Variants in CENPF observed in about 807,000 individuals in gnomAD.
CENPF encodes centromere protein F.
In CENPF, 214 loss-of-function variants were observed where a neutral mutation model predicts 307.3. The observed-to-expected ratio is 0.70, with a 90% CI of 0.62 to 0.78. CENPF has a LOEUF of 0.78. Ranked by LOEUF, CENPF falls within the 30% of genes least tolerant of loss-of-function variation. The pLI is 0.00. For missense variants in CENPF, 3,401 were observed against 3,483.9 expected (o/e 0.98, Z 0.60); for synonymous variants, 1,259 against 1,270.6 (o/e 0.99, Z 0.19).
chr1:214,637,689 T>C (rs891973920), intron 10 of CENPF, among the ~76,000 whole-genome samples, 177 bp from the exon 11 acceptor site: 5 of 152,156 alleles, frequency 3.3e-5, no homozygotes, highest in African/African-American at 9.6e-5. Flanking sequence ...TTGTCTTCTG[T>C]TCATAACATT....
chr1:214,658,918 A>G lies in CENPF; in HGVS notation c.9031A>G (p.Thr3011Ala). ...ILRRTTMATR[T>A]SPRLAAQKLA... ...GCGAAGAACAACCATGGCAACTCGGACCAGCCCCCGCCTGGCTGCACAGAA... is the reference window on the plus strand; with the variant it reads ...GCGAAGAACAACCATGGCAACTCGGGCCAGCCCCCGCCTGGCTGCACAGAA... The change falls in exon 19 of 20, where the codon ACC (threonine) becomes GCC (alanine). Residue 3011 changes from threonine (T) to alanine (A), a missense_variant. Transcript: ENST00000366955. 1.9e-6 allele frequency: 3 copies of G among 1,614,096 alleles called. No homozygotes were observed. The highest frequency in any genetic ancestry group is 1.3e-5 in the African/African-American group (1 of 75,030).
At chr1:214,620,998 CA>C in intron 6 of CENPF, 52 bp downstream of exon 6, 1 of 1,497,322 alleles carries the variant, frequency 6.7e-7, no homozygotes, top group Non-Finnish European at 9.0e-7. Context: ...GGTAATTTCA[CA>C]GGTGATTTCA....
At position 214,642,809 on chromosome 1, in the gene CENPF, G is replaced by A. The variant is rs745591609; in HGVS notation, c.4471G>A (p.Gly1491Arg). 6.2e-7 allele frequency: 1 copy of A among 1,613,852 alleles called. No individual in the cohort carries two copies. The highest frequency in any genetic ancestry group is 2.2e-5 in the East Asian group (1 of 44,874). ...VPDSSSLSSL[G>R]DSSFYRALLE... ...TGACAGCTCTAGTCTTAGCAGTTTGGGAGACTCCTCCTTTTACAGAGCTCT... is the reference window on the plus strand; with the variant it reads ...TGACAGCTCTAGTCTTAGCAGTTTGAGAGACTCCTCCTTTTACAGAGCTCT... Residue 1491 changes from glycine to arginine, a missense_variant, in exon 12 of 20, where the codon GGA (glycine) becomes AGA (arginine). By Grantham distance (125) the Gly-to-Arg change is moderately radical (BLOSUM62 -2). Coordinates refer to ENST00000366955, the MANE Select transcript of CENPF (RefSeq NM_016343.4).
chr1:214,652,465 A>T (rs1267392527), intron 15 of CENPF, among the ~76,000 whole-genome samples: 1 of 127,868 alleles, frequency 7.8e-6, no homozygotes. Context: ...TTTTTTTGAG[A>T]CTGAGCCTCA....
rs761127877 is a variant in CENPF, at chr1:214,653,061, A to G, written c.8322+72A>G. 21 of 1,352,760 alleles carry G rather than the reference A, an allele frequency of 1.6e-5. No individual in the cohort carries two copies. In the African/African-American group the frequency reaches 2.6e-4, roughly 17 times the overall value. The allele number at this position is 1,352,760 out of a possible 1,614,324, so 83.8% of individuals were successfully genotyped here. A position where few individuals can be genotyped will look rare whatever the true frequency, so the allele number is the denominator to read the frequency against. On this transcript the variant is annotated intron_variant, in intron 16 of 19. Transcript: ENST00000366955. Reference sequence around the variant, plus strand: ...GTGGTAGTGATTTTAATGGTATAGCATTAAACGTTTTCATTTTCATTTTAT... The same window carrying G: ...GTGGTAGTGATTTTAATGGTATAGCGTTAAACGTTTTCATTTTCATTTTAT...
At chr1:214,607,389 G>A (rs1432043977) in intron 1 of CENPF, among the ~76,000 whole-genome samples, 2 of 152,218 alleles carry the variant, frequency 1.3e-5, no homozygotes, top group African/African-American at 4.8e-5. Flanking sequence ...AGTGGCCCAG[G>A]CAGTAGAGAC....
intron 16 of CENPF, chr1:214,654,191 AG>A (rs1658567611): frequency 6.6e-6 from 1 of 152,222 alleles, no homozygotes; most frequent in African/African-American, 2.4e-5. Flanking sequence ...ATAATATCCC[AG>A]AGGGATCTGC....
Position 214,655,241 on chromosome 1 carries a change from A to T in CENPF, c.8323A>T (p.Met2775Leu). Reference sequence around the variant, plus strand: ...AAATGGAATTACTTTTATTTTGTAGATGGACAATCTAAAATATGTAAATCA... The same window carrying T: ...AAATGGAATTACTTTTATTTTGTAGTTGGACAATCTAAAATATGTAAATCA... Reference protein sequence around the residue: ...QILEELKKTKMDNLKYVNQLK... With the variant: ...QILEELKKTKLDNLKYVNQLK... The change falls in exon 17 of 20, where the codon ATG becomes TTG. Residue 2775 changes from methionine to leucine, a missense_variant and splice_region_variant. Transcript: ENST00000366955. 1 of 1,570,526 alleles carries T rather than the reference A, an allele frequency of 6.4e-7. No individual in the cohort carries two copies. Among genetic ancestry groups the T allele is most frequent in the Middle Eastern group, 1.7e-4 (1 of 5,872 alleles).
Position 214,645,510 on chromosome 1 carries a change from G to C in CENPF, c.5940G>C (p.Leu1980Phe), listed in dbSNP as rs752372802. Residue 1980 changes from leucine to phenylalanine, a missense_variant, in exon 13 of 20, where the codon TTG (leucine) becomes TTC (phenylalanine). By Grantham distance (22) the Leu-to-Phe change is conservative. Transcript: ENST00000366955. The stretch of plus-strand genomic sequence containing the variant: ...AAAAAACCACGGCACTGGATCAGTT[G>C]TCTGAAAAAATGAAGGAGAAAACAC... ...MSKKTTALDQ[L>F]SEKMKEKTQE... 23 of 1,614,088 alleles carry C rather than the reference G, an allele frequency of 1.4e-5. No individual in the cohort carries two copies. The South Asian group carries it at 2.5e-4, about 18-fold the overall frequency.
At chr1:214,635,287 T>G (rs755239059) in intron 10 of CENPF, among the ~76,000 whole-genome samples, 6 of 152,228 alleles carry the variant, frequency 3.9e-5, no homozygotes, top group Non-Finnish European at 7.3e-5. Context: ...ATGGATGGGA[T>G]CATGAAATGC....
Position 214,640,916 on chromosome 1 carries a change from A to G in CENPF, c.2578A>G (p.Lys860Glu), listed in dbSNP as rs542930330. The G allele has an allele frequency of 2.0e-5, 32 of 1,607,908 alleles. No individual in the cohort carries two copies. Among genetic ancestry groups the G allele is most frequent in the Non-Finnish European group, 2.5e-5 (30 of 1,178,608 alleles). ...QKQCEELVQI[K>E]GEIEENLMKA... ...GCAGTGTGAAGAGTTGGTGCAAATC[A>G]AAGGAGAAATAGAAGAAAATCTCAT... Residue 860 changes from lysine (K) to glutamate (E), a missense_variant, in exon 12 of 20, where the codon AAA (lysine) becomes GAA (glutamate). Physicochemically the swap from Lys to Glu is moderately conservative, Grantham distance 56. Coordinates refer to ENST00000366955, the MANE Select transcript of CENPF (RefSeq NM_016343.4).
At chr1:214,613,317 CT>C in intron 1 of CENPF, 9 of 253,752 alleles carry the variant, frequency 3.5e-5, no homozygotes, top group Non-Finnish European at 6.3e-5. Context: ...CACCTCCTAC[CT>C]TTTTCTGGCC....
rs61732022 is a variant in CENPF, at chr1:214,645,205, C to T, written c.5635C>T (p.Arg1879Cys). 24,256 of 1,613,886 alleles carry T rather than the reference C, an allele frequency of 0.015. 276 individuals are homozygous for T. Among genetic ancestry groups the T allele is most frequent in the South Asian group, 0.04 (3,652 of 91,058 alleles). ...DLEMHADKSS[R>C]EDIGDNVAKV... ...AGAAATGCATGCAGATAAATCATCACGTGAAGATATTGGAGATAATGTGGC... is the reference window on the plus strand; with the variant it reads ...AGAAATGCATGCAGATAAATCATCATGTGAAGATATTGGAGATAATGTGGC... The change falls in exon 13 of 20, where the codon CGT (arginine) becomes TGT (cysteine). Residue 1879 changes from arginine (R) to cysteine (C), a missense_variant. Arg to Cys is a radical substitution (Grantham distance 180, BLOSUM62 -3). Transcript: ENST00000366955.
Position 214,620,507 on chromosome 1 carries a change from T to C in CENPF, c.574-148T>C, listed in dbSNP as rs1056589814. On this transcript the variant is annotated intron_variant, in intron 5 of 19. Coordinates refer to ENST00000366955, the MANE Select transcript of CENPF (RefSeq NM_016343.4). ...ATTCCATCACTGGGTATTAGACTTATGGTTTACTTGACTTGATGAATGTTC... is the reference window on the plus strand; with the variant it reads ...ATTCCATCACTGGGTATTAGACTTACGGTTTACTTGACTTGATGAATGTTC... 26 of 798,204 alleles carry C rather than the reference T, an allele frequency of 3.3e-5. No individual in the cohort carries two copies. In the East Asian group the frequency reaches 3.5e-4, roughly 11 times the overall value. 49.4% of individuals were successfully genotyped at this position (798,204 alleles called of 1,614,324 possible).
Position 214,663,682 on chromosome 1 carries a change from G to A in CENPF, c.9233G>A (p.Arg3078Lys), listed in dbSNP as rs144164373. The change falls in exon 20 of 20, where the codon AGA becomes AAA. Residue 3078 changes from arginine to lysine, a missense_variant. Arg to Lys is a conservative substitution (Grantham distance 26). Coordinates refer to ENST00000366955, the MANE Select transcript of CENPF (RefSeq NM_016343.4). ...GTCCCAGTCAATAATCTTCCTGAGA[G>A]AAGTCCGACTGACAGCCCCAGAGAG... ...KSVPVNNLPE[R>K]SPTDSPREGL... 2.4e-5 allele frequency: 38 copies of A among 1,614,086 alleles called. No homozygotes were observed. In the African/African-American group the frequency reaches 4.4e-4, roughly 19 times the overall value.
intron 1 of CENPF, among the ~76,000 whole-genome samples, chr1:214,609,069 G>A (rs1391498530): frequency 1.3e-5 from 2 of 151,702 alleles, no homozygotes; most frequent in Admixed American, 6.6e-5. Context: ...ATGTCACGCC[G>A]TGGGAAGCCC....
chr1:214,630,230 T>C (rs1386419994), intron 8 of CENPF, among the ~76,000 whole-genome samples: 1 of 152,198 alleles, frequency 6.6e-6, no homozygotes, highest in Non-Finnish European at 1.5e-5. Context: ...TCTTCTCTCT[T>C]GCCCCTGATC....
intron 12 of CENPF, among the ~76,000 whole-genome samples, chr1:214,644,225 A>G (rs914680576): frequency 3.3e-5 from 5 of 152,266 alleles, no homozygotes; most frequent in Non-Finnish European, 7.3e-5. Flanking sequence ...TTTAATAATT[A>G]CAAAGAGATT....
Position 214,626,360 on chromosome 1 carries a change from C to G in CENPF, c.1069-2686C>G, listed in dbSNP as rs1016636387. Among the ~76,000 whole-genome samples, 3 of 152,022 alleles carry G rather than the reference C, an allele frequency of 2.0e-5. No homozygotes were observed. The South Asian group carries it at 6.2e-4, about 32-fold the overall frequency. On this transcript the variant is annotated intron_variant, in intron 7 of 19. Coordinates refer to ENST00000366955, the MANE Select transcript of CENPF (RefSeq NM_016343.4). ...ATAATGTCCAGGGTTTTTATTTGTT[C>G]TAGTTAGGAGGAATAGGGAAAAGTG... is the stretch of plus-strand genomic sequence containing the variant.
Sources: allele counts gnomAD v4.1 joint callset (sites outside exome capture counted in the v4.1 genomes callset), GRCh38; gene constraint gnomAD v4.1.1; transcripts MANE v1.5; gene names NCBI Gene and HGNC (gene_info 2026-07-23, HGNC 2026-07-21).